TEX14: variants seen among roughly 807,000 people sequenced by gnomAD.
TEX14 encodes testis expressed 14, intercellular bridge forming factor.
In TEX14, 168 loss-of-function variants were observed where a neutral mutation model predicts 178.6. The observed-to-expected ratio is 0.94, with a 90% CI of 0.83 to 1.07. The LOEUF (loss-of-function observed/expected upper bound fraction) is 1.07, where lower values mean the gene tolerates loss of function less well. Among genes scored for constraint, TEX14 ranks in the 50% least tolerant of loss-of-function variants. TEX14 has a pLI of 0.00. For missense variants in TEX14, 1,730 were observed against 1,753.6 expected (o/e 0.99, Z 0.24); for synonymous variants, 626 against 634.1 (o/e 0.99, Z 0.19).
chr17:58,621,849 G>A lies in TEX14; in HGVS notation c.418-63C>T, dbSNP rs2046005992. On this transcript the variant is annotated intron_variant, in intron 4 of 31. Transcript: ENST00000349033. ...CAGTTCTCAATGGAATGGAAGCTTGGGTATGAAGATAAGTGGTCCGAGGAG... is the reference window on the plus strand; with the variant it reads ...CAGTTCTCAATGGAATGGAAGCTTGAGTATGAAGATAAGTGGTCCGAGGAG... The A allele has an allele frequency of 1.4e-5, 22 of 1,532,878 alleles. No individual in the cohort carries two copies. The South Asian group carries it at 2.8e-4, about 19-fold the overall frequency. 95.0% of individuals were successfully genotyped at this position (1,532,878 alleles called of 1,614,324 possible). A position where few individuals can be genotyped will look rare whatever the true frequency, so the allele number is the denominator to read the frequency against.
At chr17:58,639,632 G>A (rs186887515) in intron 2 of TEX14, among the ~76,000 whole-genome samples, 20 of 152,138 alleles carry the variant, frequency 1.3e-4, no homozygotes, top group South Asian at 4.2e-4. Context: ...CCCGGGAGGC[G>A]GATGTTGCCG....
At chr17:58,650,615 C>T (rs1322210745) in intron 2 of TEX14, among the ~76,000 whole-genome samples, 1 of 151,898 alleles carries the variant, frequency 6.6e-6, no homozygotes, top group African/African-American at 2.4e-5. Flanking sequence ...GTAGTGCCAA[C>T]TAGTGATTTC....
intron 11 of TEX14, among the ~76,000 whole-genome samples, chr17:58,603,155 C>A (rs1432158764): frequency 6.6e-6 from 1 of 152,040 alleles, no homozygotes; most frequent in East Asian, 1.9e-4. Context: ...AGATAGGAAA[C>A]AATAGTGTCA....
At chr17:58,677,033 C>T (rs890688389) in intron 1 of TEX14, among the ~76,000 whole-genome samples, 4 of 149,636 alleles carry the variant, frequency 2.7e-5, no homozygotes, top group African/African-American at 9.9e-5. Flanking sequence ...GCAGGAGAAT[C>T]GCTTGAACTC....
intron 2 of TEX14, among the ~76,000 whole-genome samples, chr17:58,642,531 TA>T (rs1342886642): frequency 1.1e-4 from 17 of 151,792 alleles, no homozygotes; most frequent in African/African-American, 3.9e-4. Context: ...TATTTTATTT[TA>T]TTTATTTTTT....
intron 24 of TEX14, among the ~76,000 whole-genome samples, chr17:58,571,362 T>A (rs1001559674): frequency 6.6e-6 from 1 of 151,404 alleles, no homozygotes; most frequent in African/African-American, 2.4e-5. Flanking sequence ...CAGCCTCCCG[T>A]GTAGCTGAAA....
intron 24 of TEX14, 79 bp from the exon 25 acceptor site, chr17:58,570,563 GT>G: frequency 1.3e-6 from 1 of 775,094 alleles, no homozygotes; most frequent in Non-Finnish European, 1.8e-6. Context: ...ATTTCCAGTT[GT>G]TTTGTTGATT....
chr17:58,587,714 AAC>A, intron 16 of TEX14, 48 bp from the exon 17 acceptor site: 1 of 1,376,478 alleles, frequency 7.3e-7, no homozygotes, highest in Non-Finnish European at 1.0e-6. Context: ...GGTGGACACA[AAC>A]ACATCAGTTT....
chr17:58,564,825 T>C, intron 28 of TEX14, 44 bp downstream of exon 28: 1 of 1,235,788 alleles, frequency 8.1e-7, no homozygotes. Context: ...ACATAAACTA[T>C]ACAATTTTTT....
At chr17:58,630,584 A>T in intron 2 of TEX14, 30 bp from the exon 3 acceptor site, 1 of 1,520,036 alleles carries the variant, frequency 6.6e-7, no homozygotes. Context: ...ATCAATGCAA[A>T]TATCAGAAAA....
chr17:58,652,041 C>A (rs775187543), intron 1 of TEX14, 39 bp from the exon 2 acceptor site: 1 of 1,451,238 alleles, frequency 6.9e-7, no homozygotes. Context: ...TTTAACTGAA[C>A]CAGAAATGCA....
chr17:58,571,994 A>C lies in TEX14; in HGVS notation c.3644T>G (p.Val1215Gly), dbSNP rs1344746505. Residue 1215 changes from valine to glycine, a missense_variant, in exon 24 of 32, where the codon GTC becomes GGC. Val to Gly is a moderately radical substitution (Grantham distance 109). Coordinates refer to ENST00000349033, the MANE Select transcript of TEX14 (RefSeq NM_031272.5). ...IQTLSDDFISVRERAKKLDSL... is the reference protein window; with the variant it reads ...IQTLSDDFISGRERAKKLDSL... Reference sequence around the variant, plus strand: ...ATCCAGTTTCTTTGCTCTCTCTCGGACACTTATAAAGTCATCAGACAAAGT... The same window carrying C: ...ATCCAGTTTCTTTGCTCTCTCTCGGCCACTTATAAAGTCATCAGACAAAGT... 6.2e-7 allele frequency: 1 copy of C among 1,614,038 alleles called. No individual in the cohort carries two copies. The highest frequency in any genetic ancestry group is 8.5e-7 in the Non-Finnish European group (1 of 1,180,036).
intron 1 of TEX14, chr17:58,661,252 A>G: frequency 2.5e-6 from 2 of 796,428 alleles, no homozygotes; most frequent in Non-Finnish European, 4.6e-6. Flanking sequence ...AATGGCACTG[A>G]GTTAAGTATT....
chr17:58,663,312 C>T (rs1416499551), intron 1 of TEX14, among the ~76,000 whole-genome samples: 1 of 148,450 alleles, frequency 6.7e-6, no homozygotes, highest in Non-Finnish European at 1.5e-5. Flanking sequence ...ATCCCAGCTA[C>T]TTGGGAGGCT....
intron 21 of TEX14, among the ~76,000 whole-genome samples, chr17:58,576,265 C>T (rs750212636): frequency 2.0e-5 from 3 of 152,210 alleles, no homozygotes; most frequent in Non-Finnish European, 4.4e-5. Context: ...GCAGGTGGAT[C>T]ACCTGAGGTC....
intron 1 of TEX14, among the ~76,000 whole-genome samples, chr17:58,662,042 C>T (rs2047123268): frequency 1.3e-5 from 2 of 151,866 alleles, no homozygotes; most frequent in Non-Finnish European, 2.9e-5. Flanking sequence ...GCATCAGGCC[C>T]GGATTTGGTA....
At chr17:58,558,300 C>G (rs1237075179) in intron 30 of TEX14, among the ~76,000 whole-genome samples, 1 of 152,156 alleles carries the variant, frequency 6.6e-6, no homozygotes, top group Non-Finnish European at 1.5e-5. Flanking sequence ...AGTGGGAAGC[C>G]TAAGTCTGAA....
chr17:58,617,303 A>T (rs1403794200), intron 6 of TEX14, among the ~76,000 whole-genome samples: 1 of 152,152 alleles, frequency 6.6e-6, no homozygotes, highest in Non-Finnish European at 1.5e-5. Flanking sequence ...TGAAAAGATC[A>T]TTTTCTAAAC....
chr17:58,656,036 C>T (rs1188821551), intron 1 of TEX14, among the ~76,000 whole-genome samples: 1 of 152,178 alleles, frequency 6.6e-6, no homozygotes, highest in African/African-American at 2.4e-5. Flanking sequence ...CGCGATGGCT[C>T]ACACCTGTAA....
Sources: allele counts gnomAD v4.1 joint callset (sites outside exome capture counted in the v4.1 genomes callset), GRCh38; gene constraint gnomAD v4.1.1; transcripts MANE v1.5; gene names NCBI Gene and HGNC (gene_info 2026-07-23, HGNC 2026-07-21).